FGR: variants seen among roughly 807,000 people sequenced by gnomAD.
FGR encodes FGR proto-oncogene, Src family tyrosine kinase, also known as tyrosine-protein kinase Fgr.
Under a neutral mutation model 63.2 loss-of-function variants are expected in FGR, and 26 were observed. The ratio of observed to expected loss-of-function variants is 0.41; its 90% CI spans 0.30 to 0.57. The LOEUF is 0.57. FGR is among the 20% of genes least tolerant of loss of function. The probability of loss-of-function intolerance (pLI) is 0.27; values close to 1 mark genes in which losing one functional copy is unlikely to be tolerated. For missense variants in FGR, 511 were observed against 690.8 expected (o/e 0.74, Z 2.92); for synonymous variants, 286 against 277.7 (o/e 1.03, Z -0.30).
chr1:27,618,267 G>A (rs138446991), intron 5 of FGR, among the ~76,000 whole-genome samples: 3 of 152,148 alleles, frequency 2.0e-5, no homozygotes, highest in East Asian at 1.9e-4. Context: ...AGCCCTCCCC[G>A]CTCCCACACG....
chr1:27,626,334 G>A (rs1557737954), intron 1 of FGR: 1 of 397,534 alleles, frequency 2.5e-6, no homozygotes, highest in Non-Finnish European at 4.4e-6. Flanking sequence ...TTGCCCCAGA[G>A]GGGCCCCAAG....
intron 1 of FGR, among the ~76,000 whole-genome samples, chr1:27,633,467 G>T (rs1028347586): frequency 2.0e-5 from 3 of 152,196 alleles, no homozygotes; most frequent in Non-Finnish European, 1.5e-5. Flanking sequence ...TCCCCAGTAT[G>T]GGCTCTCATC....
At chr1:27,621,005 AAAAAAAAAAAAAAAG>A (rs2089912074) in intron 5 of FGR, among the ~76,000 whole-genome samples, 1 of 149,256 alleles carries the variant, frequency 6.7e-6, no homozygotes, top group Non-Finnish European at 1.5e-5. Flanking sequence ...AAAAAAAAAA[AAAAAAAAAAAAAAAG>A]AAAGAAAGAA....
At chr1:27,633,154 C>T (rs1341110765) in intron 1 of FGR, among the ~76,000 whole-genome samples, 1 of 152,144 alleles carries the variant, frequency 6.6e-6, no homozygotes, top group Non-Finnish European at 1.5e-5. Context: ...AAACCCCACA[C>T]CCTCCTCCCC....
chr1:27,633,475 A>G (rs1268010525), intron 1 of FGR, among the ~76,000 whole-genome samples: 2 of 152,226 alleles, frequency 1.3e-5, no homozygotes, highest in Non-Finnish European at 2.9e-5. Flanking sequence ...ATGGGCTCTC[A>G]TCAGAGCCAT....
intron 5 of FGR, among the ~76,000 whole-genome samples, chr1:27,618,285 T>G (rs2089854090): frequency 6.6e-6 from 1 of 152,132 alleles, no homozygotes; most frequent in South Asian, 2.1e-4. Flanking sequence ...ACGCATGACA[T>G]TAGCTACCTC....
chr1:27,631,619 G>A (rs1368244954), intron 1 of FGR, among the ~76,000 whole-genome samples: 3 of 152,170 alleles, frequency 2.0e-5, no homozygotes, highest in African/African-American at 7.2e-5. Context: ...ATCAAATGGG[G>A]TCACATCACT....
rs1373391291 is a variant in FGR, at chr1:27,612,510, GA to G, written c.*403del. ...TACAGACACAAGAGAATAGAGGGTA[GA>G]AGGGAAATTCTTGGCACCTGGACTA... On this transcript the variant is annotated 3_prime_UTR_variant, in exon 13 of 13. Coordinates refer to ENST00000374005, the MANE Select transcript of FGR (RefSeq NM_005248.3). 1 of 174,020 alleles carries G rather than the reference GA, an allele frequency of 5.7e-6. No homozygotes were observed. Among genetic ancestry groups the G allele is most frequent in the Non-Finnish European group, 1.2e-5 (1 of 80,750 alleles). 10.8% of individuals were successfully genotyped at this position (174,020 alleles called of 1,614,324 possible). A position where few individuals can be genotyped will look rare whatever the true frequency, so the allele number is the denominator to read the frequency against.
In FGR at chr1:27,615,678, G is replaced by A. The variant is rs762559633; in HGVS notation, c.838+11C>T. 8.2e-6 allele frequency: 13 copies of A among 1,594,430 alleles called. No individual in the cohort carries two copies. Among genetic ancestry groups the A allele is most frequent in the South Asian group, 2.2e-5 (2 of 90,142 alleles). ...CCCAGGCCCTCGTCCCGGCCCCCGG[G>A]AGCTCCGTACCCAGCCACACATCCC... On this transcript the variant is annotated intron_variant, in intron 8 of 12. Transcript: ENST00000374005. This position sits in a 1 kb window ranked among gnomAD's most constrained non-coding sequence, Gnocchi z 7.6.
chr1:27,623,448 C>G, intron 3 of FGR: 1 of 603,744 alleles, frequency 1.7e-6, no homozygotes, highest in Non-Finnish European at 3.0e-6. Flanking sequence ...CTCTTTGTCA[C>G]TTGCATCTGT....
intron 4 of FGR, among the ~76,000 whole-genome samples, chr1:27,622,164 T>A (rs1168057297): frequency 1.3e-5 from 2 of 151,674 alleles, no homozygotes; most frequent in East Asian, 3.9e-4. Flanking sequence ...ATACAAAAAA[T>A]TAGCCAGGCT....
chr1:27,626,857 G>A (rs1571402553), intron 1 of FGR, among the ~76,000 whole-genome samples: 1 of 152,192 alleles, frequency 6.6e-6, no homozygotes, highest in East Asian at 1.9e-4. Flanking sequence ...TGAAAAGAGA[G>A]ATGGGGCTGA....
rs376571268 is a variant in FGR, at chr1:27,614,255, C to T, written c.1249+175G>A. The stretch of plus-strand genomic sequence containing the variant: ...AGAGGTTAGGTGACTTGCCCAAGGC[C>T]ACATGGCTGGTAAGTGGCCGACCTG... On this transcript the variant is annotated intron_variant, in intron 11 of 12. Coordinates refer to ENST00000374005, the MANE Select transcript of FGR (RefSeq NM_005248.3). Among the ~76,000 whole-genome samples the T allele has an allele frequency of 4.5e-4, 68 of 152,300 alleles. 1 individual carries two copies. In the Middle Eastern group the frequency reaches 0.014, roughly 30 times the overall value.
chr1:27,625,565 A>T lies in FGR; in HGVS notation c.-76-414T>A, dbSNP rs139569068. ...ACACACTCAGACACACATGATTTTGAACATTATAATCATCTCTCTAACAGG... is the reference window on the plus strand; with the variant it reads ...ACACACTCAGACACACATGATTTTGTACATTATAATCATCTCTCTAACAGG... On this transcript the variant is annotated intron_variant, in intron 1 of 12. Transcript: ENST00000374005. Among the ~76,000 whole-genome samples, 1,041 of 152,292 alleles carry T rather than the reference A, an allele frequency of 6.8e-3. 10 individuals are homozygous for T. The highest frequency in any genetic ancestry group is 0.024 in the African/African-American group (980 of 41,550).
chr1:27,612,809 A>G lies in FGR; in HGVS notation c.*105T>C. ...GAGCAGCCACGTCCTCGGTGATGCT[A>G]GGACTCTATGGGGTTCTAAGCCAGC... On this transcript the variant is annotated 3_prime_UTR_variant, in exon 13 of 13. Coordinates refer to ENST00000374005, the MANE Select transcript of FGR (RefSeq NM_005248.3). The G allele has an allele frequency of 2.8e-6, 3 of 1,069,012 alleles. No homozygotes were observed. Among genetic ancestry groups the G allele is most frequent in the South Asian group, 3.1e-5 (2 of 65,570 alleles). The allele number at this position is 1,069,012 out of a possible 1,614,324, so 66.2% of individuals were successfully genotyped here.
chr1:27,619,434 G>A (rs1004916885), intron 5 of FGR, among the ~76,000 whole-genome samples: 3 of 152,154 alleles, frequency 2.0e-5, no homozygotes, highest in South Asian at 2.1e-4. Context: ...CATGTGATCC[G>A]CCCGCCTCGG....
intron 2 of FGR, among the ~76,000 whole-genome samples, 192 bp downstream of exon 2, chr1:27,624,896 GA>G (rs1235272213): frequency 3.3e-5 from 5 of 152,144 alleles, no homozygotes; most frequent in Non-Finnish European, 4.4e-5. Flanking sequence ...AGTCACTGCA[GA>G]GGGGGATCAA....
intron 1 of FGR, among the ~76,000 whole-genome samples, chr1:27,632,613 T>C (rs1024306837): frequency 1.3e-5 from 2 of 152,118 alleles, no homozygotes; most frequent in African/African-American, 4.8e-5. Context: ...ATTAGCAGTT[T>C]TTTCCACTTC....
rs143600855 is a variant in FGR at position 27,623,875 on chromosome 1, C to T, written c.42G>A (p.Thr14=). ...VFCKKLEPVA[T]AKEDAGLEGD... is the part of the protein sequence containing the mutation. ...CTTCCAGGCCAGCATCCTCCTTGGC[C>T]GTGGCCACCGGCTCCAATTTCTTGC... The change falls in exon 3 of 13, where the codon ACG becomes ACA. Residue 14 remains threonine, a synonymous_variant. Coordinates refer to ENST00000374005, the MANE Select transcript of FGR (RefSeq NM_005248.3). The T allele has an allele frequency of 4.1e-5, 66 of 1,606,454 alleles. No individual in the cohort carries two copies. The highest frequency in any genetic ancestry group is 3.5e-4 in the African/African-American group (26 of 74,830).
Sources: allele counts gnomAD v4.1 joint callset (sites outside exome capture counted in the v4.1 genomes callset), GRCh38; gene constraint gnomAD v4.1.1; non-coding constraint Gnocchi (gnomAD v3.1); transcripts MANE v1.5; gene names NCBI Gene and HGNC (gene_info 2026-07-23, HGNC 2026-07-21).